CDH1: variants seen among roughly 807,000 people sequenced by gnomAD.
The protein encoded by CDH1 is cadherin-1.
Under a neutral mutation model 84.5 loss-of-function variants are expected in CDH1, and 35 were observed. That is an observed-to-expected ratio of 0.41 (90% CI 0.32 to 0.55). The LOEUF (loss-of-function observed/expected upper bound fraction) is 0.55. Among genes scored for constraint, CDH1 ranks in the 20% least tolerant of loss-of-function variants. CDH1 has a pLI of 0.19. For synonymous variants in CDH1, 417 were observed against 439.0 expected, an observed-to-expected ratio of 0.95 and a Z score of 0.63; for missense variants, 994 against 1,126.6, an observed-to-expected ratio of 0.88 and a Z score of 1.68.
chr16:68,792,550 G>A (rs1026228676), intron 2 of CDH1, among the ~76,000 whole-genome samples: 1 of 152,186 alleles, frequency 6.6e-6, no homozygotes, highest in Admixed American at 6.6e-5. Context: ...AATTCCAGAA[G>A]CGCCATTCAT....
At chr16:68,759,300 C>A (rs1260815725) in intron 2 of CDH1, among the ~76,000 whole-genome samples, 1 of 152,002 alleles carries the variant, frequency 6.6e-6, no homozygotes, top group Non-Finnish European at 1.5e-5. Flanking sequence ...GAGTTCAAGA[C>A]CAGCCTGGGC....
intron 2 of CDH1, among the ~76,000 whole-genome samples, chr16:68,743,513 G>A (rs1190256024): frequency 1.3e-5 from 2 of 151,834 alleles, no homozygotes; most frequent in Non-Finnish European, 2.9e-5. Flanking sequence ...TTATAGGCAC[G>A]CAGAAGCATG....
intron 3 of CDH1, among the ~76,000 whole-genome samples, chr16:68,803,786 G>C (rs771273292): frequency 2.0e-5 from 3 of 152,078 alleles, no homozygotes; most frequent in Non-Finnish European, 4.4e-5. Flanking sequence ...TCATGATTGG[G>C]TTCAAGTGCA....
chr16:68,825,275 G>C (rs963622609), intron 13 of CDH1, among the ~76,000 whole-genome samples: 1 of 152,146 alleles, frequency 6.6e-6, no homozygotes, highest in African/African-American at 2.4e-5. Flanking sequence ...GGCCACAGGG[G>C]CTGGTAGAAT....
At chr16:68,774,976 T>C (rs748595478) in intron 2 of CDH1, among the ~76,000 whole-genome samples, 2 of 152,076 alleles carry the variant, frequency 1.3e-5, no homozygotes, top group African/African-American at 4.8e-5. Context: ...AATAGTACAA[T>C]GAAGCCAAGC....
chr16:68,748,397 T>A (rs538822693), intron 2 of CDH1, among the ~76,000 whole-genome samples: 3 of 152,230 alleles, frequency 2.0e-5, no homozygotes, highest in African/African-American at 7.2e-5. Context: ...TGAGCCACCA[T>A]GTCCGGCCAT....
intron 2 of CDH1, among the ~76,000 whole-genome samples, chr16:68,740,642 G>T (rs948483716): frequency 6.6e-6 from 1 of 151,988 alleles, no homozygotes; most frequent in South Asian, 2.1e-4. Context: ...AGGGTGGGTT[G>T]GTCTGGTTTT....
intron 2 of CDH1, among the ~76,000 whole-genome samples, chr16:68,776,607 T>C (rs1388018580): frequency 9.2e-5 from 14 of 152,188 alleles, no homozygotes; most frequent in African/African-American, 3.1e-4. Flanking sequence ...GGGCTCAAGC[T>C]ATCCTCCTAC....
Position 68,751,882 on chromosome 16 carries a change from A to G in CDH1, c.163+13471A>G, listed in dbSNP as rs374916702. Among the ~76,000 whole-genome samples the G allele has an allele frequency of 2.0e-5, 3 of 151,348 alleles. No homozygotes were observed. The East Asian group carries it at 5.8e-4, about 29-fold the overall frequency. On this transcript the variant is annotated intron_variant, in intron 2 of 15. Coordinates refer to ENST00000261769, the MANE Select transcript of CDH1 (RefSeq NM_004360.5). ...AGTGGTTTGACCTCTGCTCACTGCA[A>G]CCTCAGACTCCAGAGTAGCTGGGAT...
intron 9 of CDH1, 86 bp downstream of exon 9, chr16:68,813,581 A>G: frequency 1.4e-6 from 2 of 1,380,376 alleles, no homozygotes; most frequent in East Asian, 2.3e-5. Context: ...TTAGAAGTAG[A>G]TTCGCTTTGG....
At chr16:68,748,831 G>GT (rs1388972506) in intron 2 of CDH1, among the ~76,000 whole-genome samples, 8 of 152,094 alleles carry the variant, frequency 5.3e-5, no homozygotes, top group South Asian at 2.1e-4. Context: ...AGATAAAACA[G>GT]TTTTTTTTGT....
chr16:68,812,003 T>C (rs1960849909), intron 7 of CDH1, 132 bp from the exon 8 acceptor site: 2 of 1,482,498 alleles, frequency 1.3e-6, no homozygotes, highest in South Asian at 1.1e-5. Flanking sequence ...GCCCAGAGGT[T>C]CCGTGCCTAG....
intron 11 of CDH1, 94 bp downstream of exon 11, chr16:68,819,519 T>C: frequency 7.6e-7 from 1 of 1,323,876 alleles, no homozygotes; most frequent in African/African-American, 1.4e-5. Context: ...AGTTCATTCT[T>C]TTTCTTTTAT....
intron 1 of CDH1, among the ~76,000 whole-genome samples, chr16:68,737,828 G>A (rs972439639): frequency 1.8e-4 from 28 of 152,234 alleles, no homozygotes; most frequent in African/African-American, 6.0e-4. Context: ...AGGAGTCGTG[G>A]GGACGATCTT....
intron 3 of CDH1, among the ~76,000 whole-genome samples, chr16:68,807,670 C>T (rs1960701201): frequency 6.6e-6 from 1 of 151,878 alleles, no homozygotes; most frequent in Non-Finnish European, 1.5e-5. Flanking sequence ...GCCTGGGTGA[C>T]AGAGCAAGAC....
chr16:68,823,134 G>A (rs1373169240), intron 12 of CDH1: 1 of 462,438 alleles, frequency 2.2e-6, no homozygotes, highest in Non-Finnish European at 3.9e-6. Flanking sequence ...GAAGAGCCCC[G>A]CTCTGCCTAA....
chr16:68,796,149 C>T (rs1960355190), intron 2 of CDH1, among the ~76,000 whole-genome samples: 1 of 151,520 alleles, frequency 6.6e-6, no homozygotes, highest in African/African-American at 2.4e-5. Flanking sequence ...GGTGACAGTG[C>T]GAGACTCTGT....
chr16:68,811,930 A>G (rs1178597539), intron 7 of CDH1, 71 bp downstream of exon 7: 1 of 1,555,626 alleles, frequency 6.4e-7, no homozygotes, highest in African/African-American at 1.4e-5. Context: ...GGACAAAGCA[A>G]AATCCTGCTA....
intron 2 of CDH1, among the ~76,000 whole-genome samples, chr16:68,759,636 C>T (rs1288728154): frequency 2.6e-5 from 4 of 151,954 alleles, no homozygotes; most frequent in African/African-American, 9.7e-5. Context: ...ATTACAGGCG[C>T]GTACCACCAT....
Sources: gnomAD v4.1 joint callset for allele counts (sites outside exome capture counted in the v4.1 genomes callset) on GRCh38, gnomAD v4.1.1 for gene constraint, MANE v1.5 for transcripts, NCBI Gene and HGNC (gene_info 2026-07-23, HGNC 2026-07-21) for gene names.